Variants in CUTC observed in about 807,000 individuals in gnomAD.
CUTC encodes cutC copper transporter, also known as copper homeostasis protein cutC homolog.
A neutral mutation model predicts 36.2 loss-of-function variants in CUTC; 27 were observed. The observed-to-expected ratio is 0.75, with a 90% CI of 0.55 to 1.03. CUTC has a LOEUF of 1.03. Ranked by LOEUF, CUTC falls within the 50% of genes least tolerant of loss-of-function variation. CUTC has a pLI of 0.00. For missense variants in CUTC, 315 were observed against 343.5 expected (o/e 0.92, Z 0.66); for synonymous variants, 114 against 118.3 (o/e 0.96, Z 0.24).
intron 1 of CUTC, 32 bp from the exon 2 acceptor site, chr10:99,736,214 T>C (rs776119782): frequency 1.3e-6 from 2 of 1,594,620 alleles, no homozygotes; most frequent in African/African-American, 2.7e-5. Flanking sequence ...ATAGAACCTT[T>C]ATGAACTCTT....
At chr10:99,737,838 AGT>A (rs2037308837) in intron 2 of CUTC, among the ~76,000 whole-genome samples, 1 of 142,314 alleles carries the variant, frequency 7.0e-6, no homozygotes, top group Non-Finnish European at 1.5e-5. Context: ...TAAATATTTC[AGT>A]GTGTGTCTCT....
At chr10:99,739,650 T>A in intron 2 of CUTC, 60 bp from the exon 3 acceptor site, 1 of 1,404,884 alleles carries the variant, frequency 7.1e-7, no homozygotes, top group Non-Finnish European at 1.0e-6. Context: ...TATAAACAGG[T>A]TGCTGTTTAA....
At chr10:99,735,688 A>G (rs7917770) in intron 1 of CUTC, among the ~76,000 whole-genome samples, 147,231 of 152,300 alleles carry the variant, frequency 0.97, 71,349 homozygotes, top group East Asian at 1. Context: ...GATTACAGGC[A>G]TGAGCCATCA....
intron 3 of CUTC, 102 bp downstream of exon 3, chr10:99,739,871 T>C (rs1399163213): frequency 4.9e-6 from 4 of 812,126 alleles, no homozygotes; most frequent in Non-Finnish European, 8.1e-6. Flanking sequence ...TCATGTTAAC[T>C]ATGTTATGGA....
At chr10:99,739,605 A>C (rs1423906629) in intron 2 of CUTC, 105 bp from the exon 3 acceptor site, 1 of 989,722 alleles carries the variant, frequency 1.0e-6, no homozygotes, top group African/African-American at 1.7e-5. Flanking sequence ...CTCTGAGATG[A>C]TTTCTAAGAC....
At chr10:99,754,717 C>A in intron 8 of CUTC, 83 bp downstream of exon 8, 1 of 887,082 alleles carries the variant, frequency 1.1e-6, no homozygotes. Context: ...TGGATGGGGG[C>A]ATGATTAATC....
intron 5 of CUTC, 123 bp from the exon 6 acceptor site, chr10:99,747,134 A>T: frequency 1.9e-6 from 2 of 1,046,284 alleles, no homozygotes. Flanking sequence ...TGAGTGTTTA[A>T]TAATTGGCCT....
Position 99,755,938 on chromosome 10 carries a change from T to C in CUTC, c.*199T>C. On this transcript the variant is annotated 3_prime_UTR_variant, in exon 9 of 9. Coordinates refer to ENST00000370476, the MANE Select transcript of CUTC (RefSeq NM_015960.3). ...ATACAGTCACTTCCTTTGCTTAGTCTTACCAGTGATTGTCATCATGGTTAA... is the reference window on the plus strand; with the variant it reads ...ATACAGTCACTTCCTTTGCTTAGTCCTACCAGTGATTGTCATCATGGTTAA... 2 of 508,004 alleles carry C rather than the reference T, an allele frequency of 3.9e-6. No homozygotes were observed. Among genetic ancestry groups the C allele is most frequent in the South Asian group, 6.3e-5 (2 of 31,528 alleles). 31.5% of individuals were successfully genotyped at this position (508,004 alleles called of 1,614,324 possible).
At chr10:99,739,850 CTT>C in intron 3 of CUTC, 81 bp downstream of exon 3, 1 of 1,061,088 alleles carries the variant, frequency 9.4e-7, no homozygotes, top group South Asian at 1.4e-5. Context: ...CGTTGGGGTC[CTT>C]TACTAATGTC....
chr10:99,740,416 A>G (rs1300720719), intron 3 of CUTC, among the ~76,000 whole-genome samples: 1 of 122,946 alleles, frequency 8.1e-6, no homozygotes, highest in African/African-American at 3.0e-5. Flanking sequence ...TGCTGGGTAT[A>G]GAATTCTAGG....
intron 2 of CUTC, among the ~76,000 whole-genome samples, chr10:99,738,643 C>T (rs1402622130): frequency 6.6e-6 from 1 of 152,080 alleles, no homozygotes; most frequent in African/African-American, 2.4e-5. Context: ...GTCCTCTGAC[C>T]ACTGTATTTC....
At chr10:99,741,331 G>A (rs566113699) in intron 3 of CUTC, among the ~76,000 whole-genome samples, 1 of 152,276 alleles carries the variant, frequency 6.6e-6, no homozygotes, top group East Asian at 1.9e-4. Context: ...CTGGCTGGTG[G>A]AATAGGCATT....
At chr10:99,740,807 A>G (rs2037335762) in intron 3 of CUTC, among the ~76,000 whole-genome samples, 2 of 152,160 alleles carry the variant, frequency 1.3e-5, no homozygotes, top group Non-Finnish European at 2.9e-5. Context: ...TTCATTTTGC[A>G]TAGTTGCTAT....
chr10:99,747,227 C>T, intron 5 of CUTC, 30 bp from the exon 6 acceptor site: 1 of 1,610,992 alleles, frequency 6.2e-7, no homozygotes, highest in Non-Finnish European at 8.5e-7. Flanking sequence ...GATACCTGTT[C>T]AAAATTCACA....
intron 2 of CUTC, 38 bp downstream of exon 2, chr10:99,736,355 C>T (rs1333099487): frequency 6.8e-7 from 1 of 1,467,786 alleles, no homozygotes; most frequent in African/African-American, 1.4e-5. Flanking sequence ...GTTGGCTACC[C>T]TTTTAAGAGT....
At chr10:99,732,599 G>C (rs2037224551) in intron 1 of CUTC, 190 bp downstream of exon 1, 6 of 1,434,504 alleles carry the variant, frequency 4.2e-6, no homozygotes, top group Non-Finnish European at 5.5e-6. Context: ...CAGGTAGCGA[G>C]AATGGCTCAG....
rs529821733 is a variant in CUTC at position 99,732,610 on chromosome 10, C to G, written c.61+201C>G. 2.9e-5 allele frequency: 42 copies of G among 1,427,008 alleles called. No homozygotes were observed. The East Asian group carries it at 9.8e-4, about 33-fold the overall frequency. The allele number at this position is 1,427,008 out of a possible 1,614,324, so 88.4% of individuals were successfully genotyped here. A position where few individuals can be genotyped will look rare whatever the true frequency, so the allele number is the denominator to read the frequency against. ...GGGGCAGGTAGCGAGAATGGCTCAG[C>G]TGTGGAGCCAAGGTTCGAGTCCCGG... On this transcript the variant is annotated intron_variant, in intron 1 of 8. Coordinates refer to ENST00000370476, the MANE Select transcript of CUTC (RefSeq NM_015960.3).
chr10:99,744,150 G>A, intron 5 of CUTC, 78 bp downstream of exon 5: 1 of 1,175,720 alleles, frequency 8.5e-7, no homozygotes, highest in East Asian at 2.4e-5. Context: ...ACCTTTTTAT[G>A]GAACACAATT....
At chr10:99,739,118 A>T (rs891859751) in intron 2 of CUTC, among the ~76,000 whole-genome samples, 1 of 152,106 alleles carries the variant, frequency 6.6e-6, no homozygotes, top group African/African-American at 2.4e-5. Context: ...GTAGATTTAG[A>T]TATATTTTGT....
Sources: allele counts gnomAD v4.1 joint callset (sites outside exome capture counted in the v4.1 genomes callset), GRCh38; gene constraint gnomAD v4.1.1; transcripts MANE v1.5; gene names NCBI Gene and HGNC (gene_info 2026-07-23, HGNC 2026-07-21).